The following SLC24A4 variants were observed in gnomAD, a reference collection of about 807,000 sequenced individuals.
SLC24A4 encodes sodium/potassium/calcium exchanger 4.
SLC24A4 carries 53 observed loss-of-function variants against 79.0 expected under a neutral mutation model. The observed-to-expected ratio is 0.67, with a 90% CI of 0.54 to 0.84. The LOEUF is 0.84. Among genes scored for constraint, SLC24A4 ranks in the 40% least tolerant of loss-of-function variants. The pLI is 0.00. For missense variants in SLC24A4, 731 were observed against 822.0 expected (o/e 0.89, Z 1.35); for synonymous variants, 323 against 323.8 (o/e 1.00, Z 0.03).
chr14:92,407,873 G>C (rs1216634781), intron 2 of SLC24A4, among the ~76,000 whole-genome samples: 1 of 125,374 alleles, frequency 8.0e-6, no homozygotes, highest in African/African-American at 2.9e-5. Flanking sequence ...GTGTGTGTGT[G>C]TGTGTGTGTG....
chr14:92,380,583 T>A (rs1362940262), intron 2 of SLC24A4, among the ~76,000 whole-genome samples: 1 of 152,234 alleles, frequency 6.6e-6, no homozygotes, highest in Non-Finnish European at 1.5e-5. Context: ...ACCTAGACCT[T>A]CCCGGCAACA....
chr14:92,493,365 C>A, intron 16 of SLC24A4, 111 bp from the exon 17 acceptor site: 2 of 1,317,042 alleles, frequency 1.5e-6, no homozygotes, highest in Non-Finnish European at 2.1e-6. Flanking sequence ...TACACTTGCC[C>A]ACATTCTGCA....
At chr14:92,396,800 C>G (rs990820771) in intron 2 of SLC24A4, among the ~76,000 whole-genome samples, 29 of 152,164 alleles carry the variant, frequency 1.9e-4, no homozygotes, top group African/African-American at 6.8e-4. Context: ...GTGTGGCCGT[C>G]TGTTGAGTGG....
chr14:92,442,510 G>A (rs1046410995), intron 5 of SLC24A4, among the ~76,000 whole-genome samples: 7 of 152,226 alleles, frequency 4.6e-5, no homozygotes, highest in African/African-American at 1.7e-4. Flanking sequence ...GCTGCTCAGA[G>A]AAAAAGGGAA....
chr14:92,473,105 A>T (rs1894526885), intron 12 of SLC24A4, among the ~76,000 whole-genome samples: 1 of 152,068 alleles, frequency 6.6e-6, no homozygotes, highest in Non-Finnish European at 1.5e-5. Flanking sequence ...TTTTTTCATG[A>T]CCATCATTTC....
Position 92,484,950 on chromosome 14 carries a change from G to T in SLC24A4, c.1423-1716G>T. The T allele has an allele frequency of 3.3e-6, 3 of 903,538 alleles. No individual in the cohort carries two copies. The South Asian group carries it at 1.5e-4, about 46-fold the overall frequency. The allele number at this position is 903,538 out of a possible 1,614,324, so 56.0% of individuals were successfully genotyped here. A position where few individuals can be genotyped will look rare whatever the true frequency, so the allele number is the denominator to read the frequency against. ...GCCCTTCTTGTGTCGAGTTAGTGTTGTGTACATTATACCCAATTTCAACCT... is the reference window on the plus strand; with the variant it reads ...GCCCTTCTTGTGTCGAGTTAGTGTTTTGTACATTATACCCAATTTCAACCT... On this transcript the variant is annotated intron_variant, in intron 13 of 16. Coordinates refer to ENST00000532405, the MANE Select transcript of SLC24A4 (RefSeq NM_153646.4).
At chr14:92,445,758 A>G (rs570194506) in intron 8 of SLC24A4, among the ~76,000 whole-genome samples, 1 of 152,328 alleles carries the variant, frequency 6.6e-6, no homozygotes, top group South Asian at 2.1e-4. Context: ...GAACAACACA[A>G]CATCAGATCC....
chr14:92,423,537 A>T (rs962230976), intron 2 of SLC24A4, among the ~76,000 whole-genome samples: 1 of 152,134 alleles, frequency 6.6e-6, no homozygotes, highest in Middle Eastern at 3.2e-3. Flanking sequence ...TCACCACAGC[A>T]CTCTGAGAAC....
chr14:92,383,582 A>T (rs1888971638), intron 2 of SLC24A4, among the ~76,000 whole-genome samples: 1 of 152,158 alleles, frequency 6.6e-6, no homozygotes, highest in African/African-American at 2.4e-5. Flanking sequence ...GCTGCAGCTC[A>T]AGCTAGTGCC....
chr14:92,400,388 G>C (rs113622456), intron 2 of SLC24A4, among the ~76,000 whole-genome samples: 8 of 145,164 alleles, frequency 5.5e-5, no homozygotes, highest in African/African-American at 1.8e-4. Flanking sequence ...GCAGTGAGCC[G>C]AGATCGTGCC....
intron 2 of SLC24A4, among the ~76,000 whole-genome samples, chr14:92,410,872 A>C (rs1028546934): frequency 6.6e-6 from 1 of 152,232 alleles, no homozygotes; most frequent in South Asian, 2.1e-4. Flanking sequence ...GATAAAGCAG[A>C]ATAACCAAGC....
At chr14:92,448,799 G>A (rs982363235) in intron 9 of SLC24A4, among the ~76,000 whole-genome samples, 12 of 152,312 alleles carry the variant, frequency 7.9e-5, no homozygotes, top group Middle Eastern at 3.4e-3. Context: ...CAGTAAGTAG[G>A]CCTCAGTCAT....
intron 2 of SLC24A4, among the ~76,000 whole-genome samples, chr14:92,327,137 C>T (rs1885190669): frequency 6.6e-6 from 1 of 152,214 alleles, no homozygotes; most frequent in African/African-American, 2.4e-5. Flanking sequence ...GAAACTAAAA[C>T]CTTTGGTTGG....
intron 2 of SLC24A4, among the ~76,000 whole-genome samples, chr14:92,350,093 A>T (rs965876169): frequency 1.2e-4 from 19 of 152,236 alleles, no homozygotes; most frequent in African/African-American, 4.3e-4. Flanking sequence ...CTACAGGGTT[A>T]TGAATGTGTT....
chr14:92,482,729 C>T lies in SLC24A4; in HGVS notation c.1305C>T (p.Phe435=), dbSNP rs759656285. 2 of 1,614,164 alleles carry T rather than the reference C, an allele frequency of 1.2e-6. No homozygotes were observed. Among genetic ancestry groups the T allele is most frequent in the South Asian group, 1.1e-5 (1 of 91,082 alleles). ...VKWVFTWPLI[F]LLCVTIPNCS... ...GGGTGTTCACCTGGCCCCTCATCTT[C>T]CTCCTGTGCGTCACCATTCCCAACT... Residue 435 remains phenylalanine (F), a synonymous_variant, in exon 13 of 17, where the codon TTC becomes TTT. Coordinates refer to ENST00000532405, the MANE Select transcript of SLC24A4 (RefSeq NM_153646.4).
At chr14:92,422,083 C>G (rs1934522259) in intron 2 of SLC24A4, among the ~76,000 whole-genome samples, 1 of 152,222 alleles carries the variant, frequency 6.6e-6, no homozygotes, top group South Asian at 2.1e-4. Flanking sequence ...GTGTCTTTAA[C>G]TATCCTTCTG....
chr14:92,414,999 A>C (rs1890903308), intron 2 of SLC24A4, among the ~76,000 whole-genome samples: 1 of 152,214 alleles, frequency 6.6e-6, no homozygotes, highest in Non-Finnish European at 1.5e-5. Context: ...GTCTTGGTCC[A>C]GTGGCCTTTC....
rs930579011 is a variant in SLC24A4 at position 92,456,691 on chromosome 14, A to G, written c.1255+83A>G. The G allele has an allele frequency of 3.6e-6, 5 of 1,402,992 alleles. No homozygotes were observed. In the African/African-American group the frequency reaches 5.7e-5, roughly 16 times the overall value. The allele number at this position is 1,402,992 out of a possible 1,614,324, so 86.9% of individuals were successfully genotyped here. A position where few individuals can be genotyped will look rare whatever the true frequency, so the allele number is the denominator to read the frequency against. ...AAGCCCAGGTCTTCAGGATGGAGGCATGGACTTGTAAGGGCGGCAGAGGGC... is the reference window on the plus strand; with the variant it reads ...AAGCCCAGGTCTTCAGGATGGAGGCGTGGACTTGTAAGGGCGGCAGAGGGC... On this transcript the variant is annotated intron_variant, in intron 12 of 16. Coordinates refer to ENST00000532405, the MANE Select transcript of SLC24A4 (RefSeq NM_153646.4).
chr14:92,416,122 GGTGTGTGT>G (rs34411259), intron 2 of SLC24A4, among the ~76,000 whole-genome samples: 10,942 of 147,946 alleles, frequency 0.074, 598 homozygotes, highest in East Asian at 0.15. Context: ...TTGTGTGTGT[GGTGTGTGT>G]GTGTGTGTGT....
Sources: gnomAD v4.1 joint callset for allele counts (sites outside exome capture counted in the v4.1 genomes callset) on GRCh38, gnomAD v4.1.1 for gene constraint, MANE v1.5 for transcripts, NCBI Gene and HGNC (gene_info 2026-07-23, HGNC 2026-07-21) for gene names.